POU6F2: variants seen among roughly 807,000 people sequenced by gnomAD.
POU6F2 encodes the protein POU domain, class 6, transcription factor 2.
POU6F2 carries 31 observed loss-of-function variants against 71.3 expected under a neutral mutation model. That is an observed-to-expected ratio of 0.43 (90% CI 0.33 to 0.59). POU6F2 has a LOEUF of 0.59. Ranked by LOEUF, POU6F2 falls within the 20% of genes least tolerant of loss-of-function variation. The pLI, the probability that POU6F2 is intolerant of heterozygous loss-of-function variation, is 0.04. For missense variants in POU6F2, 783 were observed against 856.8 expected, an observed-to-expected ratio of 0.91 and a Z score of 1.07; for synonymous variants, 347 against 355.7, an observed-to-expected ratio of 0.98 and a Z score of 0.27.
chr7:39,355,372 T>C (rs1786233789), intron 5 of POU6F2, among the ~76,000 whole-genome samples: 1 of 152,194 alleles, frequency 6.6e-6, no homozygotes, highest in African/African-American at 2.4e-5. Context: ...CAAATGAACA[T>C]ATATAGTTAC....
chr7:39,213,063 T>C (rs1042339688), intron 4 of POU6F2, among the ~76,000 whole-genome samples: 17 of 152,354 alleles, frequency 1.1e-4, no homozygotes, highest in Non-Finnish European at 2.1e-4. Context: ...CTAATCACTG[T>C]AGGCAACATG....
chr7:39,113,237 TA>T (rs1444334480), intron 2 of POU6F2, among the ~76,000 whole-genome samples: 1 of 152,194 alleles, frequency 6.6e-6, no homozygotes, highest in East Asian at 1.9e-4. Flanking sequence ...TGTTTTATTT[TA>T]TTTTTTAAGC....
chr7:39,269,829 G>T (rs1369081428), intron 4 of POU6F2, among the ~76,000 whole-genome samples: 1 of 152,086 alleles, frequency 6.6e-6, no homozygotes, highest in Non-Finnish European at 1.5e-5. Context: ...ATATAATCAT[G>T]GGCCATATTG....
intron 5 of POU6F2, among the ~76,000 whole-genome samples, chr7:39,357,788 G>C (rs929201464): frequency 2.0e-5 from 3 of 152,196 alleles, no homozygotes; most frequent in Non-Finnish European, 2.9e-5. Flanking sequence ...GTTATGAAAA[G>C]GTTTGCAGGT....
At chr7:39,252,910 C>T (rs1238407563) in intron 4 of POU6F2, among the ~76,000 whole-genome samples, 2 of 152,186 alleles carry the variant, frequency 1.3e-5, no homozygotes, top group African/African-American at 4.8e-5. Flanking sequence ...ATGCGATAGA[C>T]CATGTATTTC....
chr7:39,233,814 AC>A (rs777636049), intron 4 of POU6F2, among the ~76,000 whole-genome samples: 14 of 152,020 alleles, frequency 9.2e-5, no homozygotes, highest in Non-Finnish European at 2.1e-4. Flanking sequence ...AAAGTGTAAA[AC>A]CCGGTCACTT....
At chr7:39,262,280 A>G (rs1562768153) in intron 4 of POU6F2, among the ~76,000 whole-genome samples, 5 of 152,232 alleles carry the variant, frequency 3.3e-5, no homozygotes, top group Non-Finnish European at 1.5e-5. Flanking sequence ...ACATGGGGAA[A>G]GGATGGCCTT....
chr7:39,036,084 T>C (rs913064302), intron 1 of POU6F2, among the ~76,000 whole-genome samples: 13 of 152,102 alleles, frequency 8.5e-5, no homozygotes, highest in Non-Finnish European at 1.9e-4. Flanking sequence ...GGTGGAGCCT[T>C]TGCCTACAGG....
chr7:39,427,753 C>T (rs148012891), intron 6 of POU6F2, among the ~76,000 whole-genome samples: 159 of 152,318 alleles, frequency 1.0e-3, no homozygotes, highest in African/African-American at 2.9e-3. Flanking sequence ...CCTTTTCTTA[C>T]GTATATGGGC....
intron 2 of POU6F2, among the ~76,000 whole-genome samples, chr7:39,094,991 G>A (rs910886733): frequency 8.5e-5 from 13 of 152,156 alleles, no homozygotes; most frequent in Admixed American, 3.3e-4. Flanking sequence ...CAGAAAGGAC[G>A]CTTGCTATTT....
intron 2 of POU6F2, among the ~76,000 whole-genome samples, chr7:39,167,590 C>T (rs1466321950): frequency 2.6e-5 from 4 of 152,076 alleles, no homozygotes; most frequent in Middle Eastern, 3.2e-3. Flanking sequence ...TACAAACTTT[C>T]CCTTCCCCAT....
At chr7:39,202,034 A>C (rs1315708268) in intron 2 of POU6F2, among the ~76,000 whole-genome samples, 1 of 152,234 alleles carries the variant, frequency 6.6e-6, no homozygotes. Flanking sequence ...CATTTTACAC[A>C]TGAAATTGTG....
chr7:39,362,436 C>A (rs1786409122), intron 5 of POU6F2, among the ~76,000 whole-genome samples: 1 of 152,164 alleles, frequency 6.6e-6, no homozygotes, highest in African/African-American at 2.4e-5. Flanking sequence ...GTCAGAAGGA[C>A]TCATGGAATA....
At chr7:39,281,986 A>G (rs1784571474) in intron 4 of POU6F2, among the ~76,000 whole-genome samples, 1 of 151,956 alleles carries the variant, frequency 6.6e-6, no homozygotes, top group Non-Finnish European at 1.5e-5. Flanking sequence ...TAGCTATTCT[A>G]ATTGGGGTGA....
At chr7:39,185,999 C>T (rs1349404592) in intron 2 of POU6F2, among the ~76,000 whole-genome samples, 1 of 152,034 alleles carries the variant, frequency 6.6e-6, no homozygotes, top group African/African-American at 2.4e-5. Context: ...CAATCTCCGC[C>T]TCCCAGGTTC....
At chr7:39,275,226 CA>C (rs1784414090) in intron 4 of POU6F2, among the ~76,000 whole-genome samples, 1 of 151,940 alleles carries the variant, frequency 6.6e-6, no homozygotes, top group Non-Finnish European at 1.5e-5. Context: ...AATCAATGTA[CA>C]AAAATCACAA....
chr7:39,040,906 C>T (rs1790179704), intron 1 of POU6F2, among the ~76,000 whole-genome samples: 1 of 151,952 alleles, frequency 6.6e-6, no homozygotes, highest in South Asian at 2.1e-4. Context: ...CTTTCGCATA[C>T]TTACATACTC....
chr7:39,299,623 A>G (rs1562781780), intron 4 of POU6F2, among the ~76,000 whole-genome samples: 1 of 152,238 alleles, frequency 6.6e-6, no homozygotes, highest in Non-Finnish European at 1.5e-5. Context: ...TCATAATTGA[A>G]TGTTGAAATC....
chr7:39,437,365 C>T (rs1176479232), intron 7 of POU6F2, among the ~76,000 whole-genome samples: 2 of 152,006 alleles, frequency 1.3e-5, no homozygotes, highest in Non-Finnish European at 2.9e-5. Flanking sequence ...TGTATGTGTC[C>T]AGGAATTTAT....
Sources: gnomAD v4.1 joint callset for allele counts (sites outside exome capture counted in the v4.1 genomes callset) on GRCh38, gnomAD v4.1.1 for gene constraint, MANE v1.5 for transcripts, NCBI Gene and HGNC (gene_info 2026-07-23, HGNC 2026-07-21) for gene names.